The following VRK1 variants were observed in gnomAD, a reference collection of about 807,000 sequenced individuals.
The protein encoded by VRK1 is VRK serine/threonine kinase 1, also known as serine/threonine-protein kinase VRK1.
Under a neutral mutation model 57.1 loss-of-function variants are expected in VRK1, and 33 were observed. The ratio of observed to expected loss-of-function variants is 0.58; its 90% confidence interval spans 0.44 to 0.77. The LOEUF is 0.77. VRK1 is among the 30% of genes least tolerant of loss of function. VRK1 has a pLI of 0.00. For synonymous variants in VRK1, 137 were observed against 147.8 expected (o/e 0.93, Z 0.53); for missense variants, 413 against 477.3 (o/e 0.87, Z 1.25).
intron 11 of VRK1, among the ~76,000 whole-genome samples, chr14:96,863,750 A>G (rs560905138): frequency 6.6e-6 from 1 of 152,184 alleles, no homozygotes; most frequent in East Asian, 1.9e-4. Flanking sequence ...TGGCTGCATT[A>G]TGCTAATTGG....
chr14:96,850,701 C>T (rs770426039), intron 5 of VRK1, among the ~76,000 whole-genome samples: 17 of 152,076 alleles, frequency 1.1e-4, no homozygotes, highest in Non-Finnish European at 2.1e-4. Flanking sequence ...ATTTTTGTTA[C>T]CTGTGTATTA....
chr14:96,874,482 A>G (rs930662641), intron 11 of VRK1, among the ~76,000 whole-genome samples: 1 of 152,202 alleles, frequency 6.6e-6, no homozygotes, highest in African/African-American at 2.4e-5. Context: ...CAACACTGGA[A>G]AAGAAAGATG....
intron 1 of VRK1, among the ~76,000 whole-genome samples, chr14:96,804,081 ACT>A (rs1272923806): frequency 2.0e-5 from 3 of 151,202 alleles, no homozygotes; most frequent in South Asian, 2.1e-4. Flanking sequence ...CTATCTTAGA[ACT>A]CTCTGCCTAA....
At chr14:96,869,089 G>A (rs965174044) in intron 11 of VRK1, among the ~76,000 whole-genome samples, 10 of 152,062 alleles carry the variant, frequency 6.6e-5, no homozygotes, top group Non-Finnish European at 8.8e-5. Flanking sequence ...CACCACGCCC[G>A]GCCTCGTGTA....
At chr14:96,840,507 T>G (rs1191090641) in intron 3 of VRK1, among the ~76,000 whole-genome samples, 1 of 152,236 alleles carries the variant, frequency 6.6e-6, no homozygotes, top group Non-Finnish European at 1.5e-5. Flanking sequence ...TTTTGGAATA[T>G]TCAGCCTGTT....
intron 5 of VRK1, 48 bp from the exon 6 acceptor site, chr14:96,852,783 T>C (rs1263034824): frequency 1.3e-6 from 2 of 1,502,058 alleles, no homozygotes; most frequent in African/African-American, 2.8e-5. Context: ...ACAAAGTTGG[T>C]TTTCTTGCAT....
intron 12 of VRK1, chr14:96,877,434 C>T (rs1051800048): frequency 3.6e-5 from 43 of 1,202,236 alleles, no homozygotes; most frequent in African/African-American, 9.4e-5. Flanking sequence ...CTCTTTTTCC[C>T]GCTGCTGTCT....
At position 96,855,235 on chromosome 14, in the gene VRK1, A is replaced by G. The variant is rs1387075963; in HGVS notation, c.588A>G (p.Val196=). ...TTGGAAATTTATAGGTGTACTTGGT[A>G]GATTATGGCCTTGCTTATCGGTACT... The part of the protein sequence containing the change: ...NYKNPDQVYL[V]DYGLAYRYCP... The change falls in exon 8 of 13, where the codon GTA becomes GTG. Residue 196 remains valine, a synonymous_variant. Transcript: ENST00000216639. 1.9e-6 allele frequency: 3 copies of G among 1,614,008 alleles called. No homozygotes were observed. Among genetic ancestry groups the G allele is most frequent in the East Asian group, 4.5e-5 (2 of 44,866 alleles).
At chr14:96,877,291 C>T in intron 12 of VRK1, 3 of 292,582 alleles carry the variant, frequency 1.0e-5, no homozygotes, top group South Asian at 9.7e-5. Flanking sequence ...GATTTTATTA[C>T]TATGTTCTTC....
intron 12 of VRK1, chr14:96,877,464 T>C: frequency 1.6e-6 from 2 of 1,285,658 alleles, no homozygotes; most frequent in Non-Finnish European, 2.0e-6. Context: ...TACTGTCTTT[T>C]TTCCTCCTTT....
intron 2 of VRK1, among the ~76,000 whole-genome samples, chr14:96,833,866 T>C (rs761549502): frequency 1.1e-4 from 16 of 152,206 alleles, no homozygotes; most frequent in African/African-American, 3.4e-4. Flanking sequence ...ACTAGGACTT[T>C]AGATTTTTAA....
At chr14:96,856,718 C>T in intron 10 of VRK1, 132 bp downstream of exon 10, 1 of 780,316 alleles carries the variant, frequency 1.3e-6, no homozygotes, top group Non-Finnish European at 2.2e-6. Flanking sequence ...CCTGTAATCC[C>T]AGCACTTTGG....
chr14:96,829,998 G>T (rs1349597027), intron 1 of VRK1, among the ~76,000 whole-genome samples: 1 of 152,024 alleles, frequency 6.6e-6, no homozygotes, highest in East Asian at 1.9e-4. Context: ...ATTTAGCTGG[G>T]TATAAAATCT....
In VRK1 at chr14:96,881,393, T is replaced by G; in HGVS notation, c.*185T>G. 1.7e-6 allele frequency: 1 copy of G among 577,060 alleles called. No homozygotes were observed. Among genetic ancestry groups the G allele is most frequent in the East Asian group, 2.9e-5 (1 of 34,196 alleles). 35.7% of individuals were successfully genotyped at this position (577,060 alleles called of 1,614,324 possible). On this transcript the variant is annotated 3_prime_UTR_variant, in exon 13 of 13. Transcript: ENST00000216639. The stretch of plus-strand genomic sequence containing the variant: ...TTTGTACAATTCATTAAAGGCTAAT[T>G]TATGAAATTTGAAAATCTTCAGGTT...
At chr14:96,831,899 G>A (rs1887019133) in intron 1 of VRK1, among the ~76,000 whole-genome samples, 1 of 152,134 alleles carries the variant, frequency 6.6e-6, no homozygotes, top group South Asian at 2.1e-4. Context: ...TACCATAGGT[G>A]TAAAAGTAAC....
chr14:96,857,141 C>G (rs1267540980), intron 10 of VRK1, among the ~76,000 whole-genome samples: 1 of 152,148 alleles, frequency 6.6e-6, no homozygotes, highest in Non-Finnish European at 1.5e-5. Context: ...ACAAATATCC[C>G]TGCCCTCATG....
At chr14:96,798,613 A>T (rs1007511722) in intron 1 of VRK1, among the ~76,000 whole-genome samples, 3 of 152,050 alleles carry the variant, frequency 2.0e-5, no homozygotes, top group African/African-American at 7.3e-5. Flanking sequence ...ATCTGTTGAG[A>T]CTGAAATTCA....
At chr14:96,797,734 A>G (rs1035767820) in intron 1 of VRK1, among the ~76,000 whole-genome samples, 5 of 152,072 alleles carry the variant, frequency 3.3e-5, no homozygotes, top group Admixed American at 3.3e-4. Flanking sequence ...CACGTTCTGG[A>G]CGCGCGTGGT....
intron 3 of VRK1, among the ~76,000 whole-genome samples, chr14:96,839,874 T>A (rs1302937484): frequency 6.6e-6 from 1 of 152,204 alleles, no homozygotes; most frequent in East Asian, 1.9e-4. Context: ...GTTTTTCTCC[T>A]TTCCTCTGTC....
Sources: allele counts gnomAD v4.1 joint callset (sites outside exome capture counted in the v4.1 genomes callset), GRCh38; gene constraint gnomAD v4.1.1; transcripts MANE v1.5; gene names NCBI Gene and HGNC (gene_info 2026-07-23, HGNC 2026-07-21).